Variants in TGFBR3 observed in about 807,000 individuals in gnomAD.
TGFBR3 encodes transforming growth factor beta receptor type 3.
TGFBR3 carries 46 observed loss-of-function variants against 87.9 expected under a neutral mutation model. That is an observed-to-expected ratio of 0.52 (90% CI 0.41 to 0.67). The LOEUF is 0.67. TGFBR3 is among the 30% of genes least tolerant of loss of function. The probability of loss-of-function intolerance (pLI) is 0.00; values close to 1 mark genes in which losing one functional copy is unlikely to be tolerated. For synonymous variants in TGFBR3, 381 were observed against 391.6 expected, an observed-to-expected ratio of 0.97 and a Z score of 0.32; for missense variants, 866 against 1,041.9, an observed-to-expected ratio of 0.83 and a Z score of 2.32.
chr1:91,699,272 T>G (rs1261138020), intron 14 of TGFBR3, among the ~76,000 whole-genome samples: 1 of 152,082 alleles, frequency 6.6e-6, no homozygotes, highest in Non-Finnish European at 1.5e-5. Context: ...AGACCTGCTT[T>G]GTTGGCATTT....
chr1:91,729,782 C>G, intron 6 of TGFBR3, 23 bp downstream of exon 6: 1 of 1,613,944 alleles, frequency 6.2e-7, no homozygotes, highest in South Asian at 1.1e-5. Flanking sequence ...TCTTGTCACA[C>G]TCACACACTT....
intron 3 of TGFBR3, among the ~76,000 whole-genome samples, chr1:91,787,434 A>G (rs930531485): frequency 6.6e-6 from 1 of 152,170 alleles, no homozygotes; most frequent in African/African-American, 2.4e-5. Context: ...CTAGCCCTGT[A>G]TCTAACATGG....
intron 4 of TGFBR3, among the ~76,000 whole-genome samples, chr1:91,758,009 C>T (rs1673810886): frequency 6.6e-6 from 1 of 152,180 alleles, no homozygotes; most frequent in Non-Finnish European, 1.5e-5. Flanking sequence ...CCAAACAACC[C>T]ATCGATTTCT....
chr1:91,744,390 A>G (rs1673261843), intron 4 of TGFBR3, among the ~76,000 whole-genome samples: 1 of 152,154 alleles, frequency 6.6e-6, no homozygotes, highest in African/African-American at 2.4e-5. Context: ...CCAGCCACTC[A>G]GCCTTCTTTT....
intron 1 of TGFBR3, among the ~76,000 whole-genome samples, chr1:91,884,799 T>C (rs998834914): frequency 6.6e-6 from 1 of 152,250 alleles, no homozygotes; most frequent in African/African-American, 2.4e-5. Context: ...GAAGTAACTG[T>C]TTGCACTCTG....
chr1:91,854,211 C>A (rs367850443), intron 2 of TGFBR3, among the ~76,000 whole-genome samples: 7 of 152,256 alleles, frequency 4.6e-5, no homozygotes, highest in Admixed American at 3.9e-4. Flanking sequence ...CCACTGCCAC[C>A]ACTGAGCCTA....
intron 2 of TGFBR3, among the ~76,000 whole-genome samples, chr1:91,841,048 T>G (rs1303987644): frequency 6.6e-6 from 1 of 152,150 alleles, no homozygotes; most frequent in African/African-American, 2.4e-5. Flanking sequence ...GGACCTCAGG[T>G]GATCGGCCCA....
intron 2 of TGFBR3, among the ~76,000 whole-genome samples, chr1:91,852,566 G>A (rs1677779828): frequency 6.6e-6 from 1 of 152,022 alleles, no homozygotes; most frequent in South Asian, 2.1e-4. Context: ...ATCCACTCTG[G>A]GTCTTTCTTT....
At chr1:91,860,233 C>T (rs573553587) in intron 2 of TGFBR3, among the ~76,000 whole-genome samples, 1 of 152,176 alleles carries the variant, frequency 6.6e-6, no homozygotes, top group Non-Finnish European at 1.5e-5. Flanking sequence ...TAAGTGAGCT[C>T]ATTAAATAAG....
intron 4 of TGFBR3, among the ~76,000 whole-genome samples, chr1:91,750,172 A>C (rs972028756): frequency 2.7e-4 from 41 of 152,228 alleles, no homozygotes; most frequent in African/African-American, 9.6e-4. Flanking sequence ...CACTTGCGTG[A>C]ACCCTCCTGG....
intron 4 of TGFBR3, among the ~76,000 whole-genome samples, chr1:91,738,844 G>GA (rs1673051100): frequency 6.6e-6 from 1 of 152,174 alleles, no homozygotes; most frequent in African/African-American, 2.4e-5. Flanking sequence ...GAATATGACA[G>GA]AAAAAATTCC....
intron 2 of TGFBR3, among the ~76,000 whole-genome samples, chr1:91,848,080 A>C (rs920984246): frequency 2.0e-5 from 3 of 152,052 alleles, no homozygotes; most frequent in Non-Finnish European, 2.9e-5. Context: ...CCTCAAACCA[A>C]CTTCCTCTCC....
Position 91,797,392 on chromosome 1 carries a change from A to G in TGFBR3, c.141T>C (p.Thr47=). ...HPVQALMESF[T]VLSGCASRGT... ...CTCTGCTGGCACAGCCTGACAAAAC[A>G]GTGAAGCTCTCCATCAAGGCCTGGA... The change falls in exon 3 of 17, where the codon ACT becomes ACC. Residue 47 remains threonine, a synonymous_variant. Coordinates refer to ENST00000212355, the MANE Select transcript of TGFBR3 (RefSeq NM_003243.5). 1.9e-6 allele frequency: 3 copies of G among 1,614,232 alleles called. No homozygotes were observed. Among genetic ancestry groups the G allele is most frequent in the Non-Finnish European group, 2.5e-6 (3 of 1,180,032 alleles).
intron 3 of TGFBR3, among the ~76,000 whole-genome samples, chr1:91,795,333 A>T (rs2101001068): frequency 6.6e-6 from 1 of 152,336 alleles, no homozygotes; most frequent in East Asian, 1.9e-4. Flanking sequence ...AACAAGTTTG[A>T]GACTACCCTT....
Position 91,682,226 on chromosome 1 carries a change from T to A in TGFBR3, c.*1513A>T, listed in dbSNP as rs1383626037. On this transcript the variant is annotated 3_prime_UTR_variant, in exon 17 of 17. Transcript: ENST00000212355. ...GGTTCCATTCACAGACAACCAGGCA[T>A]AACTTCCTTATTTTAAGGGCAGTGG... 1 of 453,936 alleles carries A rather than the reference T, an allele frequency of 2.2e-6. No homozygotes were observed. The highest frequency in any genetic ancestry group is 4.4e-6 in the Non-Finnish European group (1 of 226,780). 28.1% of individuals were successfully genotyped at this position (453,936 alleles called of 1,614,324 possible).
At chr1:91,802,360 T>C (rs1675661434) in intron 2 of TGFBR3, among the ~76,000 whole-genome samples, 2 of 151,976 alleles carry the variant, frequency 1.3e-5, no homozygotes, top group African/African-American at 2.4e-5. Context: ...TCTCCTTTTT[T>C]TTCTTTTTCT....
intron 8 of TGFBR3, among the ~76,000 whole-genome samples, chr1:91,721,669 G>A (rs1324652559): frequency 6.6e-6 from 1 of 152,090 alleles, no homozygotes; most frequent in Non-Finnish European, 1.5e-5. Flanking sequence ...TCAGCCATAA[G>A]TGGTCATTAG....
intron 3 of TGFBR3, among the ~76,000 whole-genome samples, chr1:91,761,270 C>G (rs6684961): frequency 6.6e-6 from 1 of 152,066 alleles, no homozygotes; most frequent in Admixed American, 6.5e-5. Flanking sequence ...GATATTGGTG[C>G]TCAGGTCCAA....
rs1557651119 is a variant in TGFBR3 at position 91,680,359 on chromosome 1, A to G, written c.*3380T>C. On this transcript the variant is annotated 3_prime_UTR_variant, in exon 17 of 17. Coordinates refer to ENST00000212355, the MANE Select transcript of TGFBR3 (RefSeq NM_003243.5). ...AGACACATATTAATAACTGATATATATCTTTTTATTATGCACAGATAAAAG... is the reference window on the plus strand; with the variant it reads ...AGACACATATTAATAACTGATATATGTCTTTTTATTATGCACAGATAAAAG... 2.3e-6 allele frequency: 1 copy of G among 436,756 alleles called. No individual in the cohort carries two copies. The highest frequency in any genetic ancestry group is 2.0e-5 in the African/African-American group (1 of 48,936). 27.1% of individuals were successfully genotyped at this position (436,756 alleles called of 1,614,324 possible). A position where few individuals can be genotyped will look rare whatever the true frequency, so the allele number is the denominator to read the frequency against.
Sources: gnomAD v4.1 joint callset for allele counts (sites outside exome capture counted in the v4.1 genomes callset) on GRCh38, gnomAD v4.1.1 for gene constraint, MANE v1.5 for transcripts, NCBI Gene and HGNC (gene_info 2026-07-23, HGNC 2026-07-21) for gene names.